KIRREL3: variants seen among roughly 807,000 people sequenced by gnomAD.
KIRREL3 encodes the protein kirre like nephrin family adhesion molecule 3, also known as kin of IRRE-like protein 3.
A neutral mutation model predicts 89.7 loss-of-function variants in KIRREL3; 36 were observed. The observed-to-expected ratio is 0.40, with a 90% CI of 0.31 to 0.53. The LOEUF (loss-of-function observed/expected upper bound fraction) is 0.53, where lower values mean the gene tolerates loss of function less well. Among genes scored for constraint, KIRREL3 ranks in the 20% least tolerant of loss-of-function variants. The probability of loss-of-function intolerance (pLI) is 0.49; values close to 1 mark genes in which losing one functional copy is unlikely to be tolerated. For missense variants in KIRREL3, 864 were observed against 1,056.6 expected, an observed-to-expected ratio of 0.82 and a Z score of 2.53; for synonymous variants, 445 against 441.4, an observed-to-expected ratio of 1.01 and a Z score of -0.10.
At position 126,843,856 on chromosome 11, in the gene KIRREL3, A is replaced by C. The variant is rs1172182645; in HGVS notation, c.55+156599T>G. On this transcript the variant is annotated intron_variant, in intron 1 of 16. Coordinates refer to ENST00000525144, the MANE Select transcript of KIRREL3 (RefSeq NM_032531.4). The surrounding 1 kb of genome is among the most constrained non-coding windows in gnomAD (Gnocchi z 4.6). ...CCACCCGTGCCATGACAGTTTACAA[A>C]TGCCATGGCAACATCAGAAAGTTAC... Among the ~76,000 whole-genome samples, 10 of 152,136 alleles carry C rather than the reference A, an allele frequency of 6.6e-5. No homozygotes were observed. Among genetic ancestry groups the C allele is most frequent in the Non-Finnish European group, 1.3e-4 (9 of 68,022 alleles).
chr11:126,907,978 A>C (rs1946654194), intron 1 of KIRREL3, among the ~76,000 whole-genome samples: 1 of 152,070 alleles, frequency 6.6e-6, no homozygotes, highest in South Asian at 2.1e-4. Context: ...CACCTTTTCA[A>C]CAAAGGCTTT....
upstream of KIRREL3, among the ~76,000 whole-genome samples, chr11:127,002,405 A>G (rs1023070576): frequency 1.3e-5 from 2 of 152,248 alleles, no homozygotes; most frequent in Admixed American, 6.5e-5. Context: ...CCCATTAGCT[A>G]AATTAACAAA....
intron 11 of KIRREL3, among the ~76,000 whole-genome samples, chr11:126,439,853 CACAA>C (rs770990725): frequency 4.0e-5 from 6 of 151,338 alleles, no homozygotes; most frequent in Non-Finnish European, 7.4e-5. Context: ...CCAAAAAACA[CACAA>C]ACAAAAAAAC....
rs1949066718 is a variant in KIRREL3, at chr11:126,744,125, T to C, written c.56-181213A>G. Among the ~76,000 whole-genome samples, 1 of 152,100 alleles carries C rather than the reference T, an allele frequency of 6.6e-6. No individual in the cohort carries two copies. The highest frequency in any genetic ancestry group is 1.5e-5 in the Non-Finnish European group (1 of 68,034). On this transcript the variant is annotated intron_variant, in intron 1 of 16. Coordinates refer to ENST00000525144, the MANE Select transcript of KIRREL3 (RefSeq NM_032531.4). This position sits in a 1 kb window ranked among gnomAD's most constrained non-coding sequence, Gnocchi z 4.7. ...GGCAGAGGGCCCAGGAAGGTGGAGC[T>C]GTGCTTGGGAAAGTGGTGGACAGGC...
At chr11:126,695,225 C>T (rs1328019472) in intron 1 of KIRREL3, among the ~76,000 whole-genome samples, 1 of 152,074 alleles carries the variant, frequency 6.6e-6, no homozygotes. Context: ...TTGGGGTTCT[C>T]TTATCTGTGT....
chr11:126,887,764 ACCG>A (rs1315596451), intron 1 of KIRREL3, among the ~76,000 whole-genome samples: 1 of 152,216 alleles, frequency 6.6e-6, no homozygotes, highest in Admixed American at 6.5e-5. Context: ...TCTCTACTCA[ACCG>A]CTGAGTAACC....
At position 126,683,935 on chromosome 11, in the gene KIRREL3, C is replaced by T. The variant is rs190488437; in HGVS notation, c.56-121023G>A. On this transcript the variant is annotated intron_variant, in intron 1 of 16. Transcript: ENST00000525144. This position sits in a 1 kb window ranked among gnomAD's most constrained non-coding sequence, Gnocchi z 5.2. ...GCCCAGGTCCCCCTTCAGGGACTGTCGTGGGCTGTGGCCTCAGAGGTCCCT... is the reference window on the plus strand; with the variant it reads ...GCCCAGGTCCCCCTTCAGGGACTGTTGTGGGCTGTGGCCTCAGAGGTCCCT... 2.3e-4 allele frequency among the ~76,000 whole-genome samples: 35 copies of T among 152,362 alleles called. No homozygotes were observed. In the East Asian group the frequency reaches 4.6e-3, roughly 20 times the overall value.
chr11:126,591,057 C>T (rs1447157496), intron 1 of KIRREL3, among the ~76,000 whole-genome samples: 3 of 152,176 alleles, frequency 2.0e-5, no homozygotes, highest in African/African-American at 7.2e-5. Flanking sequence ...AAAATTACGT[C>T]TCTACTAAAA....
chr11:126,753,420 A>C (rs925422757), intron 1 of KIRREL3, among the ~76,000 whole-genome samples: 3 of 152,178 alleles, frequency 2.0e-5, no homozygotes, highest in Admixed American at 6.5e-5. Context: ...CCTTCCTTAG[A>C]TTACTTAGGA....
chr11:126,460,894 C>G (rs2134247013), intron 6 of KIRREL3, among the ~76,000 whole-genome samples: 1 of 152,352 alleles, frequency 6.6e-6, no homozygotes, highest in Non-Finnish European at 1.5e-5. Context: ...GTCCAGGAGT[C>G]TGTAACATTT....
In KIRREL3 at chr11:126,997,703, C is replaced by T. The variant is rs1314596779; in HGVS notation, c.55+2752G>A. Among the ~76,000 whole-genome samples, 1 of 152,170 alleles carries T rather than the reference C, an allele frequency of 6.6e-6. No homozygotes were observed. The highest frequency in any genetic ancestry group is 2.4e-5 in the African/African-American group (1 of 41,428). The stretch of plus-strand genomic sequence containing the variant: ...ACGGACTTTAAGAGTTTATTTGTAT[C>T]TTGAGAGCACTGCTTGGAGCACTCT... On this transcript the variant is annotated intron_variant, in intron 1 of 16. Coordinates refer to ENST00000525144, the MANE Select transcript of KIRREL3 (RefSeq NM_032531.4). This position sits in a 1 kb window ranked among gnomAD's most constrained non-coding sequence, Gnocchi z 4.3.
rs1259785949 is a variant in KIRREL3, at chr11:126,622,656, T to C, written c.56-59744A>G. Among the ~76,000 whole-genome samples the C allele has an allele frequency of 6.6e-6, 1 of 152,112 alleles. No individual in the cohort carries two copies. The highest frequency in any genetic ancestry group is 1.5e-5 in the Non-Finnish European group (1 of 68,022). ...GTGAGCTGAGATCACGCCAGTGCAC[T>C]CCAGCCTGGGCGACAAGAGCGAAAC... On this transcript the variant is annotated intron_variant, in intron 1 of 16. Coordinates refer to ENST00000525144, the MANE Select transcript of KIRREL3 (RefSeq NM_032531.4). This position sits in a 1 kb window ranked among gnomAD's most constrained non-coding sequence, Gnocchi z 5.2.
chr11:126,429,400 A>G lies in KIRREL3; in HGVS notation c.1697-112T>C. 1.4e-6 allele frequency: 1 copy of G among 728,124 alleles called. No individual in the cohort carries two copies. Among genetic ancestry groups the G allele is most frequent in the East Asian group, 2.7e-5 (1 of 36,650 alleles). The allele number at this position is 728,124 out of a possible 1,614,324, so 45.1% of individuals were successfully genotyped here. On this transcript the variant is annotated intron_variant, in intron 14 of 16. Coordinates refer to ENST00000525144, the MANE Select transcript of KIRREL3 (RefSeq NM_032531.4). The surrounding 1 kb of genome is among the most constrained non-coding windows in gnomAD (Gnocchi z 5.2). ...CTGCCACCCTCTGCATTTCCCCTCC[A>G]GCCCCTGAACTCAGCAGCTTCACCA...
chr11:126,526,368 G>T lies in KIRREL3; in HGVS notation c.283+170C>A, dbSNP rs1958752966. ...CACATCAGGGGCCCTCAGAGTCTAGGGATGCTGGGTGCAGTGCTTGCCTAG... is the reference window on the plus strand; with the variant it reads ...CACATCAGGGGCCCTCAGAGTCTAGTGATGCTGGGTGCAGTGCTTGCCTAG... On this transcript the variant is annotated intron_variant, in intron 3 of 16. Transcript: ENST00000525144. The surrounding 1 kb of genome is among the most constrained non-coding windows in gnomAD (Gnocchi z 5.7). 6.6e-6 allele frequency among the ~76,000 whole-genome samples: 1 copy of T among 152,202 alleles called. No individual in the cohort carries two copies. The highest frequency in any genetic ancestry group is 1.5e-5 in the Non-Finnish European group (1 of 68,028).
In KIRREL3 at chr11:126,989,702, G is replaced by A. The variant is rs1036004638; in HGVS notation, c.55+10753C>T. ...CCTTGGAGGTAAAGAAAGGCATGAC[G>A]AAGTCTTAGGGCCAACAGGGGAACG... On this transcript the variant is annotated intron_variant, in intron 1 of 16. Coordinates refer to ENST00000525144, the MANE Select transcript of KIRREL3 (RefSeq NM_032531.4). The surrounding 1 kb of genome is among the most constrained non-coding windows in gnomAD (Gnocchi z 6.2). Among the ~76,000 whole-genome samples the A allele has an allele frequency of 6.6e-6, 1 of 152,152 alleles. No homozygotes were observed. Among genetic ancestry groups the A allele is most frequent in the African/African-American group, 2.4e-5 (1 of 41,436 alleles).
In KIRREL3 at chr11:126,624,799, A is replaced by G. The variant is rs757402033; in HGVS notation, c.56-61887T>C. Among the ~76,000 whole-genome samples the G allele has an allele frequency of 3.3e-5, 5 of 152,218 alleles. No homozygotes were observed. Among genetic ancestry groups the G allele is most frequent in the Non-Finnish European group, 7.3e-5 (5 of 68,040 alleles). On this transcript the variant is annotated intron_variant, in intron 1 of 16. Coordinates refer to ENST00000525144, the MANE Select transcript of KIRREL3 (RefSeq NM_032531.4). This position sits in a 1 kb window ranked among gnomAD's most constrained non-coding sequence, Gnocchi z 6.0. ...CCTCCAGATGCTTGACTTGAGGCCAACTACGGAGGGCAGAGCTGATGGAAG... is the reference window on the plus strand; with the variant it reads ...CCTCCAGATGCTTGACTTGAGGCCAGCTACGGAGGGCAGAGCTGATGGAAG...
Position 126,537,291 on chromosome 11 carries a change from C to T in KIRREL3, c.134-10604G>A, listed in dbSNP as rs1029008385. Among the ~76,000 whole-genome samples the T allele has an allele frequency of 8.5e-5, 13 of 152,142 alleles. No homozygotes were observed. The highest frequency in any genetic ancestry group is 8.5e-4 in the Admixed American group (13 of 15,284). The stretch of plus-strand genomic sequence containing the variant: ...AACTCTCAGGACATTCTGTGAAACT[C>T]GCTGAGAGTCTTGGATGGTCACATT... On this transcript the variant is annotated intron_variant, in intron 2 of 16. Transcript: ENST00000525144. This position sits in a 1 kb window ranked among gnomAD's most constrained non-coding sequence, Gnocchi z 4.3.
chr11:126,668,334 T>TC lies in KIRREL3; in HGVS notation c.56-105423dup, dbSNP rs1945757070. ...ACTCCGTTTTCATGACCTAATCACCTCCCAAAGGCCTCACCTCCTAATACC... is the reference window on the plus strand; with the variant it reads ...ACTCCGTTTTCATGACCTAATCACCTCCCCAAAGGCCTCACCTCCTAATACC... On this transcript the variant is annotated intron_variant, in intron 1 of 16. Coordinates refer to ENST00000525144, the MANE Select transcript of KIRREL3 (RefSeq NM_032531.4). The surrounding 1 kb of genome is among the most constrained non-coding windows in gnomAD (Gnocchi z 4.4). Among the ~76,000 whole-genome samples the TC allele has an allele frequency of 1.3e-5, 2 of 152,112 alleles. No individual in the cohort carries two copies. Among genetic ancestry groups the TC allele is most frequent in the South Asian group, 4.1e-4 (2 of 4,824 alleles).
chr11:126,980,449 G>A (rs992525128), intron 1 of KIRREL3, among the ~76,000 whole-genome samples: 1 of 152,180 alleles, frequency 6.6e-6, no homozygotes, highest in African/African-American at 2.4e-5. Context: ...GTAGCCAGTG[G>A]GCTTGCTGAG....
Sources: gnomAD v4.1 joint callset for allele counts (sites outside exome capture counted in the v4.1 genomes callset) on GRCh38, gnomAD v4.1.1 for gene constraint, Gnocchi (gnomAD v3.1) non-coding constraint, MANE v1.5 for transcripts, NCBI Gene and HGNC (gene_info 2026-07-23, HGNC 2026-07-21) for gene names.